CUX1: variants seen among roughly 807,000 people sequenced by gnomAD.
CUX1 encodes cut like homeobox 1.
CUX1 carries 31 observed loss-of-function variants against 158.8 expected under a neutral mutation model. The observed-to-expected ratio is 0.20, with a 90% CI of 0.15 to 0.26. The LOEUF (loss-of-function observed/expected upper bound fraction) is 0.26, where lower values mean the gene tolerates loss of function less well. CUX1 is among the 10% of genes least tolerant of loss of function. The pLI is 1.00. For synonymous variants in CUX1, 879 were observed against 862.1 expected, an observed-to-expected ratio of 1.02 and a Z score of -0.34; for missense variants, 1,589 against 2,014.6, an observed-to-expected ratio of 0.79 and a Z score of 4.04.
chr7:101,992,106 G>A (rs1461048058), intron 2 of CUX1, among the ~76,000 whole-genome samples: 1 of 152,184 alleles, frequency 6.6e-6, no homozygotes, highest in Non-Finnish European at 1.5e-5. Flanking sequence ...GTTGTGGACT[G>A]TATAATCAGG....
intron 2 of CUX1, among the ~76,000 whole-genome samples, chr7:101,918,510 C>T (rs1409129474): frequency 6.6e-6 from 1 of 152,222 alleles, no homozygotes; most frequent in Non-Finnish European, 1.5e-5. Flanking sequence ...ACCTGCTTGG[C>T]CCTGACCCCG....
intron 6 of CUX1, among the ~76,000 whole-genome samples, chr7:102,109,877 A>G (rs1405748905): frequency 6.6e-6 from 1 of 152,188 alleles, no homozygotes; most frequent in African/African-American, 2.4e-5. Flanking sequence ...TTCACTCTCA[A>G]AATTATACAG....
chr7:101,913,347 C>G, intron 1 of CUX1: 1 of 1,262,198 alleles, frequency 7.9e-7, no homozygotes, highest in South Asian at 1.3e-5. Flanking sequence ...TCTGCGGGCA[C>G]GGGGAAGGGA....
intron 5 of CUX1, among the ~76,000 whole-genome samples, chr7:102,103,996 C>T (rs1554487498): frequency 6.6e-6 from 1 of 152,062 alleles, no homozygotes; most frequent in East Asian, 1.9e-4. Flanking sequence ...CCCTCAGTTA[C>T]AGGACTAATT....
chr7:101,891,258 G>A (rs1343275063), intron 1 of CUX1, among the ~76,000 whole-genome samples: 2 of 152,012 alleles, frequency 1.3e-5, no homozygotes, highest in Admixed American at 1.3e-4. Flanking sequence ...TTGCTCTTCT[G>A]CCCAGGCTGG....
chr7:102,017,399 T>C (rs918631213), intron 2 of CUX1, among the ~76,000 whole-genome samples: 2 of 152,104 alleles, frequency 1.3e-5, no homozygotes, highest in African/African-American at 4.8e-5. Context: ...CACCATCCTT[T>C]GGCCCAGGAA....
chr7:102,133,163 T>G (rs1437582443), intron 8 of CUX1, among the ~76,000 whole-genome samples: 4 of 152,128 alleles, frequency 2.6e-5, no homozygotes, highest in African/African-American at 9.7e-5. Flanking sequence ...TAAGGGAAAG[T>G]CCAAAATCAC....
chr7:102,280,943 C>T, intron 20 of CUX1: 1 of 1,362,392 alleles, frequency 7.3e-7, no homozygotes, highest in Non-Finnish European at 1.0e-6. Flanking sequence ...CCCTGCAGCC[C>T]AGGCTGGAGG....
chr7:102,103,710 C>A (rs1830027275), intron 5 of CUX1, among the ~76,000 whole-genome samples: 1 of 151,812 alleles, frequency 6.6e-6, no homozygotes, highest in Non-Finnish European at 1.5e-5. Flanking sequence ...TCTGGGATTA[C>A]AGATGTGAGC....
At position 102,201,830 on chromosome 7, in the gene CUX1, G is replaced by A. The variant is rs782155151; in HGVS notation, c.2533G>A (p.Glu845Lys). The A allele has an allele frequency of 1.9e-6, 3 of 1,613,246 alleles. No individual in the cohort carries two copies. The highest frequency in any genetic ancestry group is 2.5e-6 in the Non-Finnish European group (3 of 1,179,920). ...CTCCTCCGAGGAGGCCAAGGCCGAA[G>A]AAACGGGCGGCGGGAAAGAGAAGGG... The part of the protein sequence containing the change: ...AASSEEAKAE[E>K]TGGGKEKGSG... Residue 845 changes from glutamate to lysine, a missense_variant, in exon 18 of 24, where the codon GAA becomes AAA. Around this residue, in one of 8 missense-constraint regions of CUX1, gnomAD observed 337 missense variants for 409.3 expected, o/e 0.82. Transcript: ENST00000292535. The surrounding 1 kb of genome is among the most constrained non-coding windows in gnomAD (Gnocchi z 5.0).
chr7:102,254,568 G>A lies in CUX1; in HGVS notation c.*5526G>A. 1 of 985,498 alleles carries A rather than the reference G, an allele frequency of 1.0e-6. No homozygotes were observed. 61.0% of individuals were successfully genotyped at this position (985,498 alleles called of 1,614,324 possible). A position where few individuals can be genotyped will look rare whatever the true frequency, so the allele number is the denominator to read the frequency against. ...GGGTCTGTCCACTGTGGGGGCCAAAGTGTTCCCCTGCTGGAGACAGTTTGC... is the reference window on the plus strand; with the variant it reads ...GGGTCTGTCCACTGTGGGGGCCAAAATGTTCCCCTGCTGGAGACAGTTTGC... On this transcript the variant is annotated 3_prime_UTR_variant, in exon 24 of 24. Transcript: ENST00000292535.
At chr7:102,014,772 G>A (rs1385109245) in intron 2 of CUX1, among the ~76,000 whole-genome samples, 3 of 151,078 alleles carry the variant, frequency 2.0e-5, no homozygotes, top group Middle Eastern at 6.9e-3. Flanking sequence ...GTTGCTATCT[G>A]TATGGTATAA....
chr7:102,247,239 C>T (rs1440519859), intron 23 of CUX1, among the ~76,000 whole-genome samples: 1 of 151,518 alleles, frequency 6.6e-6, no homozygotes, highest in Admixed American at 6.6e-5. Flanking sequence ...AGAAAAAATA[C>T]AGAATTTGGT....
rs115507543 is a variant in CUX1 at position 102,201,835 on chromosome 7, G to A, written c.2538G>A (p.Thr846=). ...CCGAGGAGGCCAAGGCCGAAGAAACGGGCGGCGGGAAAGAGAAGGGCAGCG... is the reference window on the plus strand; with the variant it reads ...CCGAGGAGGCCAAGGCCGAAGAAACAGGCGGCGGGAAAGAGAAGGGCAGCG... ...ASSEEAKAEE[T]GGGKEKGSGG... Residue 846 remains threonine, a synonymous_variant, in exon 18 of 24, where the codon ACG becomes ACA. Coordinates refer to ENST00000292535, the MANE Select transcript of CUX1 (RefSeq NM_181552.4). This position sits in a 1 kb window ranked among gnomAD's most constrained non-coding sequence, Gnocchi z 5.0. 2.0e-4 allele frequency: 324 copies of A among 1,613,174 alleles called. No individual in the cohort carries two copies. In the African/African-American group the frequency reaches 4.0e-3, roughly 20 times the overall value.
At chr7:102,183,751 GC>G (rs750163140) in intron 11 of CUX1, among the ~76,000 whole-genome samples, 5 of 152,152 alleles carry the variant, frequency 3.3e-5, no homozygotes, top group Non-Finnish European at 7.3e-5. Flanking sequence ...GTGGAGCCTG[GC>G]CCCATTTATC....
At chr7:101,826,823 C>A (rs767571616) in intron 1 of CUX1, among the ~76,000 whole-genome samples, 1 of 152,150 alleles carries the variant, frequency 6.6e-6, no homozygotes, top group Non-Finnish European at 1.5e-5. Context: ...CCTCCCTCTG[C>A]CCTGATTATC....
intron 2 of CUX1, among the ~76,000 whole-genome samples, chr7:102,005,493 C>G (rs1817238096): frequency 6.6e-6 from 1 of 152,154 alleles, no homozygotes; most frequent in South Asian, 2.1e-4. Flanking sequence ...CACCACTGCA[C>G]CCGGGTTAAT....
At chr7:101,885,420 G>A (rs1438715424) in intron 1 of CUX1, among the ~76,000 whole-genome samples, 1 of 152,134 alleles carries the variant, frequency 6.6e-6, no homozygotes, top group African/African-American at 2.4e-5. Flanking sequence ...AGAGAAGAGA[G>A]AGAGAACCAA....
At chr7:101,910,760 AG>A (rs1272555411) in intron 1 of CUX1, among the ~76,000 whole-genome samples, 13 of 151,784 alleles carry the variant, frequency 8.6e-5, no homozygotes, top group Admixed American at 7.2e-4. Flanking sequence ...AAAAAAAAAA[AG>A]ATGGGCAAAT....
Sources: gnomAD v4.1 joint callset for allele counts (sites outside exome capture counted in the v4.1 genomes callset) on GRCh38, gnomAD v4.1.1 for gene constraint, gnomAD v4.1.1 regional missense constraint, Gnocchi (gnomAD v3.1) non-coding constraint, MANE v1.5 for transcripts, NCBI Gene and HGNC (gene_info 2026-07-23, HGNC 2026-07-21) for gene names.